The following ZNF112 variants were observed in gnomAD, a reference collection of about 807,000 sequenced individuals.
ZNF112 encodes the protein zinc finger protein 112 (Y14).
In ZNF112, 37 loss-of-function variants were observed where a neutral mutation model predicts 77.7. That is an observed-to-expected ratio of 0.48 (90% CI 0.37 to 0.63). The LOEUF (loss-of-function observed/expected upper bound fraction) is 0.63, where lower values mean the gene tolerates loss of function less well. Ranked by LOEUF, ZNF112 falls within the 20% of genes least tolerant of loss-of-function variation. The probability of loss-of-function intolerance (pLI) is 0.00; values close to 1 mark genes in which losing one functional copy is unlikely to be tolerated. For missense variants in ZNF112, 950 were observed against 1,077.4 expected (o/e 0.88, Z 1.66); for synonymous variants, 333 against 363.6 (o/e 0.92, Z 0.96).
At chr19:44,347,222 G>T (rs556237737) in intron 1 of ZNF112, among the ~76,000 whole-genome samples, 27 of 152,080 alleles carry the variant, frequency 1.8e-4, no homozygotes, top group African/African-American at 6.5e-4. Context: ...TAGCCACTCC[G>T]TAGTACAGCT....
At chr19:44,331,242 A>G (rs1433424749) in intron 3 of ZNF112, among the ~76,000 whole-genome samples, 2 of 152,238 alleles carry the variant, frequency 1.3e-5, no homozygotes, top group African/African-American at 4.8e-5. Flanking sequence ...TCAGAAAAAA[A>G]TTATGGCACC....
rs189350007 is a variant in ZNF112 at position 44,344,832 on chromosome 19, G to T, written c.-3-4290C>A. On this transcript the variant is annotated intron_variant, in intron 1 of 3. Transcript: ENST00000354340. ...GACTATTGAAACAGAATGAGAGTTA[G>T]TGGGTATCTAGGGCAAGAGAGAAGG... Among the ~76,000 whole-genome samples the T allele has an allele frequency of 4.1e-4, 62 of 152,290 alleles. No homozygotes were observed. In the Middle Eastern group the frequency reaches 0.014, roughly 33 times the overall value.
At chr19:44,355,442 T>TA (rs1321961015) in intron 1 of ZNF112, among the ~76,000 whole-genome samples, 2 of 152,328 alleles carry the variant, frequency 1.3e-5, no homozygotes, top group African/African-American at 4.8e-5. Flanking sequence ...CAGATAATTT[T>TA]AAAAAATCAA....
At chr19:44,348,374 C>T (rs1461423256) in intron 1 of ZNF112, among the ~76,000 whole-genome samples, 1 of 152,072 alleles carries the variant, frequency 6.6e-6, no homozygotes, top group Non-Finnish European at 1.5e-5. Flanking sequence ...ATTTATTTTT[C>T]AATTTTTTTT....
In ZNF112 at chr19:44,329,812, A is replaced by C. The variant is rs1484673772; in HGVS notation, c.345T>G (p.Asp115Glu). 1 of 1,613,982 alleles carries C rather than the reference A, an allele frequency of 6.2e-7. No individual in the cohort carries two copies. ...QSAGGLIRCQDFLKVFQGKNS... is the reference protein window; with the variant it reads ...QSAGGLIRCQEFLKVFQGKNS... ...TCTTCCCTTGAAAAACTTTCAGGAA[A>C]TCTTGACACCTGATTAACCCACCTG... The change falls in exon 4 of 4, where the codon GAT (aspartate) becomes GAG (glutamate). Residue 115 changes from aspartate to glutamate, a missense_variant. Transcript: ENST00000354340.
intron 1 of ZNF112, among the ~76,000 whole-genome samples, chr19:44,351,094 T>C (rs1970683766): frequency 6.6e-6 from 1 of 152,098 alleles, no homozygotes; most frequent in Non-Finnish European, 1.5e-5. Flanking sequence ...TTCTAACTTC[T>C]AGAGGCTGCT....
intron 1 of ZNF112, among the ~76,000 whole-genome samples, chr19:44,346,582 G>T (rs1364561888): frequency 6.6e-6 from 1 of 152,026 alleles, no homozygotes; most frequent in Non-Finnish European, 1.5e-5. Flanking sequence ...CAGAGATAAG[G>T]GACAGGGAAT....
rs1970155139 is a variant in ZNF112 at position 44,327,755 on chromosome 19, C to A, written c.2402G>T (p.Cys801Phe). The change falls in exon 4 of 4, where the codon TGT becomes TTT. Residue 801 changes from cysteine (C) to phenylalanine (F), a missense_variant. By Grantham distance (205) the Cys-to-Phe change is radical (BLOSUM62 -2). Transcript: ENST00000354340. ...RVHVEGRPYK[C>F]EQCGKGFSGY... ...ACTGAAACCCTTACCACACTGTTCA[C>A]ATTTATAGGGTCTCCCTTCCACATG... is the stretch of plus-strand genomic sequence containing the variant. The A allele has an allele frequency of 6.2e-7, 1 of 1,613,846 alleles. No individual in the cohort carries two copies. The highest frequency in any genetic ancestry group is 8.5e-7 in the Non-Finnish European group (1 of 1,179,978).
At chr19:44,351,589 T>A (rs1346314599) in intron 1 of ZNF112, among the ~76,000 whole-genome samples, 1 of 152,098 alleles carries the variant, frequency 6.6e-6, no homozygotes, top group East Asian at 1.9e-4. Context: ...TCATTATATC[T>A]TAAATTTTGT....
At chr19:44,345,618 T>C (rs1011892450) in intron 1 of ZNF112, among the ~76,000 whole-genome samples, 1 of 152,250 alleles carries the variant, frequency 6.6e-6, no homozygotes, top group Non-Finnish European at 1.5e-5. Context: ...TGCTTCTTCA[T>C]GTTTGATAGA....
intron 1 of ZNF112, among the ~76,000 whole-genome samples, chr19:44,351,442 C>T (rs1277976409): frequency 2.0e-5 from 3 of 151,996 alleles, no homozygotes; most frequent in Non-Finnish European, 2.9e-5. Flanking sequence ...TTCATAGGAC[C>T]TATTTGTTTA....
chr19:44,329,251 C>A lies in ZNF112; in HGVS notation c.906G>T (p.Glu302Asp), dbSNP rs1390786227. ...SSLLHIHQNI[E>D]REDDIENSHL... ...GTGAATTCTCAATATCATCTTCTCT[C>A]TCAATATTTTGATGAATATGAAGAA... The change falls in exon 4 of 4, where the codon GAG (glutamate) becomes GAT (aspartate). Residue 302 changes from glutamate (E) to aspartate (D), a missense_variant. Glu to Asp is a conservative substitution (Grantham distance 45). Around this residue, in one of 3 missense-constraint regions of ZNF112, gnomAD observed 560 missense variants for 557.3 expected, o/e 1.00. Coordinates refer to ENST00000354340, the MANE Select transcript of ZNF112 (RefSeq NM_013380.4). 2 of 1,613,898 alleles carry A rather than the reference C, an allele frequency of 1.2e-6. No individual in the cohort carries two copies. The highest frequency in any genetic ancestry group is 3.3e-5 in the Admixed American group (2 of 59,976).
intron 3 of ZNF112, among the ~76,000 whole-genome samples, chr19:44,331,757 T>A (rs571489496): frequency 6.6e-6 from 1 of 152,208 alleles, no homozygotes; most frequent in Non-Finnish European, 1.5e-5. Flanking sequence ...AATCATAGTT[T>A]GAGTTGCTCT....
At chr19:44,345,207 G>A (rs1293428994) in intron 1 of ZNF112, among the ~76,000 whole-genome samples, 1 of 152,176 alleles carries the variant, frequency 6.6e-6, no homozygotes, top group Non-Finnish European at 1.5e-5. Context: ...TGTGCAGAGA[G>A]GATTGCAAAC....
chr19:44,359,317 T>C (rs974325909), upstream of ZNF112, among the ~76,000 whole-genome samples: 3 of 57,604 alleles, frequency 5.2e-5, no homozygotes, highest in African/African-American at 3.7e-4. Flanking sequence ...TTAGAGTTCT[T>C]TTTTTTTTTT....
chr19:44,365,028 G>A (rs1395645160), intron 1 of ZNF112, among the ~76,000 whole-genome samples: 4 of 152,042 alleles, frequency 2.6e-5, no homozygotes, highest in South Asian at 2.1e-4. Context: ...TTCCCTTTTC[G>A]TTTCTGGGTT....
chr19:44,328,964 A>C lies in ZNF112; in HGVS notation c.1193T>G (p.Val398Gly), dbSNP rs369029050. 7 of 1,613,822 alleles carry C rather than the reference A, an allele frequency of 4.3e-6. No individual in the cohort carries two copies. The highest frequency in any genetic ancestry group is 5.9e-6 in the Non-Finnish European group (7 of 1,179,964). The change falls in exon 4 of 4, where the codon GTC (valine) becomes GGC (glycine). Residue 398 changes from valine to glycine, a missense_variant. Physicochemically the swap from Val to Gly is moderately radical, Grantham distance 109. Around this residue, in one of 3 missense-constraint regions of ZNF112, gnomAD observed 560 missense variants for 557.3 expected, o/e 1.00. Transcript: ENST00000354340. ...NVFNQSSCLQ[V>G]HQKIHTEEKL... ...CTCTTCAGTGTGGATTTTTTGATGG[A>C]CTTGAAGACATGAACTCTGATTAAA...
At chr19:44,362,217 A>T (rs1473976953) in intron 1 of ZNF112, among the ~76,000 whole-genome samples, 1 of 152,114 alleles carries the variant, frequency 6.6e-6, no homozygotes, top group Non-Finnish European at 1.5e-5. Context: ...GAGGAGAAGA[A>T]GATGGAGGAG....
intron 1 of ZNF112, among the ~76,000 whole-genome samples, chr19:44,347,372 C>G (rs1188375483): frequency 1.3e-5 from 2 of 151,844 alleles, no homozygotes; most frequent in African/African-American, 4.8e-5. Context: ...TTAGCATTTC[C>G]TATAATTATT....
Sources: allele counts gnomAD v4.1 joint callset (sites outside exome capture counted in the v4.1 genomes callset), GRCh38; gene constraint gnomAD v4.1.1; regional missense constraint gnomAD v4.1.1; transcripts MANE v1.5; gene names NCBI Gene and HGNC (gene_info 2026-07-23, HGNC 2026-07-21).